GLI2: variants seen among roughly 807,000 people sequenced by gnomAD.
The protein encoded by GLI2 is GLI family zinc finger 2, also known as transcription activator GLI2.
Under a neutral mutation model 78.9 loss-of-function variants are expected in GLI2, and 22 were observed. That is an observed-to-expected ratio of 0.28 (90% CI 0.20 to 0.40). The LOEUF (loss-of-function observed/expected upper bound fraction) is 0.40, where lower values mean the gene tolerates loss of function less well. Ranked by LOEUF, GLI2 falls within the 10% of genes least tolerant of loss-of-function variation. The pLI, the probability that GLI2 is intolerant of heterozygous loss-of-function variation, is 1.00. For missense variants in GLI2, 2,097 were observed against 2,213.2 expected (o/e 0.95, Z 1.05); for synonymous variants, 974 against 963.7 (o/e 1.01, Z -0.20).
chr2:120,934,493 T>C, intron 3 of GLI2, among the ~76,000 whole-genome samples: 1 of 152,218 alleles, frequency 6.6e-6, no homozygotes, highest in Admixed American at 6.5e-5. Context: ...TTGCATTGCA[T>C]TGGCAGTCAC....
At chr2:120,763,437 G>C (rs1387624931) in intron 1 of GLI2, among the ~76,000 whole-genome samples, 2 of 152,270 alleles carry the variant, frequency 1.3e-5, no homozygotes, top group Non-Finnish European at 2.9e-5. Context: ...GCCTGGGGAA[G>C]TGGGGATAAA....
intron 2 of GLI2, among the ~76,000 whole-genome samples, chr2:120,822,223 T>C (rs1307815009): frequency 6.6e-6 from 1 of 152,232 alleles, no homozygotes; most frequent in Non-Finnish European, 1.5e-5. Context: ...CTGAACAGTG[T>C]CTGGAAGGTG....
chr2:120,953,990 G>A (rs111602379), intron 4 of GLI2, among the ~76,000 whole-genome samples: 180 of 152,220 alleles, frequency 1.2e-3, no homozygotes, highest in African/African-American at 4.1e-3. Flanking sequence ...CCACGTACCC[G>A]CTTACAGCCC....
intron 2 of GLI2, among the ~76,000 whole-genome samples, chr2:120,902,753 A>G (rs1026278890): frequency 2.6e-5 from 4 of 152,222 alleles, no homozygotes; most frequent in East Asian, 3.9e-4. Context: ...TCTGGTTCCT[A>G]TTTTATTAGA....
At chr2:120,838,681 C>T (rs1686726498) in intron 2 of GLI2, among the ~76,000 whole-genome samples, 1 of 152,174 alleles carries the variant, frequency 6.6e-6, no homozygotes, top group Non-Finnish European at 1.5e-5. Flanking sequence ...ATATTTTGGA[C>T]AATCATGAAC....
chr2:120,916,003 A>G (rs1679079406), intron 2 of GLI2, among the ~76,000 whole-genome samples: 1 of 152,082 alleles, frequency 6.6e-6, no homozygotes. Flanking sequence ...CCCCTTCCTT[A>G]CTGTGCAACT....
intron 1 of GLI2, among the ~76,000 whole-genome samples, chr2:120,781,175 GC>G (rs1377192480): frequency 1.3e-5 from 2 of 152,216 alleles, no homozygotes; most frequent in African/African-American, 4.8e-5. Flanking sequence ...GCCTGCAGTT[GC>G]TGCCTGGCCT....
intron 2 of GLI2, among the ~76,000 whole-genome samples, chr2:120,857,600 A>G (rs1433887787): frequency 6.8e-6 from 1 of 146,802 alleles, no homozygotes; most frequent in Non-Finnish European, 1.5e-5. Flanking sequence ...GATCCACCTC[A>G]CCCAAACACC....
rs1682408350 is a variant in GLI2 at position 120,737,567 on chromosome 2, A to T, written c.-31+1282A>T. Among the ~76,000 whole-genome samples the T allele has an allele frequency of 6.6e-6, 1 of 152,112 alleles. No homozygotes were observed. The highest frequency in any genetic ancestry group is 1.5e-5 in the Non-Finnish European group (1 of 68,020). ...CGTCCCTCTGTCCCCCAGCCCGGGC[A>T]TCCCGCTCGGTGCGCGACCTCTGGC... On this transcript the variant is annotated intron_variant, in intron 1 of 13. Transcript: ENST00000361492. This position sits in a 1 kb window ranked among gnomAD's most constrained non-coding sequence, Gnocchi z 4.3.
At chr2:120,961,124 T>C (rs1050551784) in intron 5 of GLI2, among the ~76,000 whole-genome samples, 3 of 152,076 alleles carry the variant, frequency 2.0e-5, no homozygotes, top group Non-Finnish European at 4.4e-5. Context: ...ATTGAGAAGA[T>C]TGAGATGTTT....
At chr2:120,739,822 T>A (rs1349277132) in intron 1 of GLI2, among the ~76,000 whole-genome samples, 10 of 152,208 alleles carry the variant, frequency 6.6e-5, no homozygotes, top group Non-Finnish European at 1.5e-4. Flanking sequence ...GCAGAATAGG[T>A]GATTGTACCA....
chr2:120,892,253 G>A (rs577561025), intron 2 of GLI2, among the ~76,000 whole-genome samples: 4 of 152,314 alleles, frequency 2.6e-5, no homozygotes, highest in Admixed American at 6.5e-5. Flanking sequence ...TTTGTTTCAC[G>A]AGAGGTTTCT....
chr2:120,822,557 A>G (rs1232112603), intron 2 of GLI2, among the ~76,000 whole-genome samples: 1 of 152,124 alleles, frequency 6.6e-6, no homozygotes, highest in Non-Finnish European at 1.5e-5. Flanking sequence ...TCCGCAAATC[A>G]CCTGTTTACT....
chr2:120,968,630 A>G (rs1681974415), intron 5 of GLI2, 84 bp from the exon 6 acceptor site: 1 of 1,016,480 alleles, frequency 9.8e-7, no homozygotes, highest in South Asian at 1.3e-5. Flanking sequence ...CCATCCTTGC[A>G]GGCTCTTCCT....
chr2:120,917,849 T>G (rs946035262), intron 2 of GLI2, among the ~76,000 whole-genome samples: 6 of 152,154 alleles, frequency 3.9e-5, no homozygotes, highest in African/African-American at 1.4e-4. Context: ...GCAAGTTCCC[T>G]CCCCTGCTTA....
intron 1 of GLI2, among the ~76,000 whole-genome samples, chr2:120,740,885 C>CGGCT (rs141662244): frequency 0.019 from 2,882 of 152,302 alleles, 94 homozygotes; most frequent in African/African-American, 0.065. Context: ...GAGGGTGGCC[C>CGGCT]GGCTGCAGGC....
At chr2:120,739,898 G>A (rs943140340) in intron 1 of GLI2, among the ~76,000 whole-genome samples, 9 of 152,120 alleles carry the variant, frequency 5.9e-5, no homozygotes, top group Non-Finnish European at 1.2e-4. Context: ...AAGAAATCGG[G>A]GAGGAAAAAC....
At position 120,927,352 on chromosome 2, in the gene GLI2, C is replaced by A; in HGVS notation, c.149-9C>A. The A allele has an allele frequency of 1.3e-6, 2 of 1,597,696 alleles. No homozygotes were observed. The highest frequency in any genetic ancestry group is 1.7e-6 in the Non-Finnish European group (2 of 1,165,086). ...TTTTGAAGTCTTGTTTCTCTCTCCC[C>A]CTCTGCAGTGCCGCAGCATCTCTTG... On this transcript the variant is annotated splice_polypyrimidine_tract_variant and intron_variant, in intron 2 of 13. Transcript: ENST00000361492.
intron 5 of GLI2, among the ~76,000 whole-genome samples, chr2:120,964,933 G>A (rs1009826656): frequency 2.6e-5 from 4 of 152,250 alleles, no homozygotes; most frequent in African/African-American, 9.6e-5. Context: ...CTGTAGCTCT[G>A]TGACCTTGAG....
Sources: gnomAD v4.1 joint callset for allele counts (sites outside exome capture counted in the v4.1 genomes callset) on GRCh38, gnomAD v4.1.1 for gene constraint, Gnocchi (gnomAD v3.1) non-coding constraint, MANE v1.5 for transcripts, NCBI Gene and HGNC (gene_info 2026-07-23, HGNC 2026-07-21) for gene names.